The following TTC27 variants were observed in gnomAD, a reference collection of about 807,000 sequenced individuals.
The protein encoded by TTC27 is tetratricopeptide repeat domain 27.
A neutral mutation model predicts 115.9 loss-of-function variants in TTC27; 79 were observed. The observed-to-expected ratio is 0.68, with a 90% CI of 0.57 to 0.82. The LOEUF (loss-of-function observed/expected upper bound fraction) is 0.82. Ranked by LOEUF, TTC27 falls within the 40% of genes least tolerant of loss-of-function variation. The pLI is 0.00. For synonymous variants in TTC27, 401 were observed against 356.0 expected, an observed-to-expected ratio of 1.13 and a Z score of -1.42; for missense variants, 1,054 against 993.1, an observed-to-expected ratio of 1.06 and a Z score of -0.82.
chr2:32,787,057 A>G lies in TTC27; in HGVS notation c.1906A>G (p.Ile636Val). 1.9e-6 allele frequency: 3 copies of G among 1,614,156 alleles called. No individual in the cohort carries two copies. The highest frequency in any genetic ancestry group is 3.3e-5 in the Admixed American group (2 of 60,026). The change falls in exon 16 of 20, where the codon ATC (isoleucine) becomes GTC (valine). Residue 636 changes from isoleucine (I) to valine (V), a missense_variant. Transcript: ENST00000317907. ...YEHWQIWENYILTSTDVGEFS... is the reference protein window; with the variant it reads ...YEHWQIWENYVLTSTDVGEFS... ...ACACTGGCAGATTTGGGAAAACTAC[A>G]TCCTCACCAGCACTGACGTTGGGGA...
At chr2:32,676,572 A>G (rs1666215909) in intron 8 of TTC27, among the ~76,000 whole-genome samples, 1 of 149,742 alleles carries the variant, frequency 6.7e-6, no homozygotes, top group South Asian at 2.1e-4. Context: ...GCTCACTGCA[A>G]CCTCTGCGTC....
chr2:32,791,201 T>C (rs775406117), intron 16 of TTC27, among the ~76,000 whole-genome samples: 3 of 152,382 alleles, frequency 2.0e-5, no homozygotes, highest in South Asian at 2.1e-4. Flanking sequence ...TGAATATCCT[T>C]GCAGACGAAT....
At chr2:32,661,401 GC>G (rs1665542820) in intron 5 of TTC27, among the ~76,000 whole-genome samples, 2 of 152,144 alleles carry the variant, frequency 1.3e-5, no homozygotes, top group African/African-American at 4.8e-5. Context: ...CTATCCATGA[GC>G]ATGGAATGTT....
intron 16 of TTC27, among the ~76,000 whole-genome samples, chr2:32,791,634 T>C (rs1670540706): frequency 6.6e-6 from 1 of 152,228 alleles, no homozygotes; most frequent in African/African-American, 2.4e-5. Context: ...GGGGAAGATT[T>C]ATGTCAAAAG....
Position 32,650,316 on chromosome 2 carries a change from T to C in TTC27, c.640+83T>C, listed in dbSNP as rs1286472613. On this transcript the variant is annotated intron_variant, in intron 5 of 19. Transcript: ENST00000317907. ...GAGATACTCCTTTTTAGTTTATTTT[T>C]TGTCCGGTAGTAGTGCCTTTTCGTT... 4 of 1,034,370 alleles carry C rather than the reference T, an allele frequency of 3.9e-6. No individual in the cohort carries two copies. The Admixed American group carries it at 6.9e-5, about 18-fold the overall frequency. The allele number at this position is 1,034,370 out of a possible 1,614,324, so 64.1% of individuals were successfully genotyped here.
intron 13 of TTC27, among the ~76,000 whole-genome samples, chr2:32,760,497 A>G (rs1418734170): frequency 2.0e-5 from 3 of 152,164 alleles, no homozygotes; most frequent in Non-Finnish European, 4.4e-5. Flanking sequence ...CACAGCCCCC[A>G]CAATAAAGAT....
At chr2:32,640,476 A>T (rs1559182406) in intron 4 of TTC27, 66 bp downstream of exon 4, 4 of 1,473,676 alleles carry the variant, frequency 2.7e-6, no homozygotes, top group Non-Finnish European at 2.8e-6. Context: ...ACCAGGCTGT[A>T]GATGTGTTGC....
chr2:32,673,096 A>G (rs1259352644), intron 8 of TTC27, among the ~76,000 whole-genome samples: 2 of 151,928 alleles, frequency 1.3e-5, no homozygotes, highest in Non-Finnish European at 2.9e-5. Context: ...TCAGTCTGGA[A>G]TAGTTCCTCA....
At chr2:32,758,209 T>G in intron 12 of TTC27, 83 bp from the exon 13 acceptor site, 59 of 1,251,942 alleles carry the variant, frequency 4.7e-5, no homozygotes, top group Non-Finnish European at 6.0e-5. Flanking sequence ...TTGGATTGTG[T>G]GAGATTAAAG....
rs757604136 is a variant in TTC27 at position 32,811,221 on chromosome 2, G to C, written c.2196G>C (p.Lys732Asn). ...GQSEKPDENE[K>N]AFQCLSKAYK... ...GTGAAAAGCCTGATGAAAATGAAAAGGCAAGTCCTTCATTCCTCCTGAGTC... is the reference window on the plus strand; with the variant it reads ...GTGAAAAGCCTGATGAAAATGAAAACGCAAGTCCTTCATTCCTCCTGAGTC... The change falls in exon 17 of 20, where the codon AAG (lysine) becomes AAC (asparagine). Residue 732 changes from lysine to asparagine, a missense_variant and splice_region_variant. Lys to Asn is a moderately conservative substitution (Grantham distance 94). Coordinates refer to ENST00000317907, the MANE Select transcript of TTC27 (RefSeq NM_017735.5). The C allele has an allele frequency of 8.7e-6, 14 of 1,612,480 alleles. No individual in the cohort carries two copies. The highest frequency in any genetic ancestry group is 1.2e-5 in the Non-Finnish European group (14 of 1,179,198).
At chr2:32,797,051 G>C (rs1002707334) in intron 16 of TTC27, among the ~76,000 whole-genome samples, 5 of 151,606 alleles carry the variant, frequency 3.3e-5, no homozygotes, top group African/African-American at 1.2e-4. Flanking sequence ...GTGCACGCCT[G>C]TAGTCCCAGC....
At position 32,705,576 on chromosome 2, in the gene TTC27, G is replaced by A. The variant is rs1667340298; in HGVS notation, c.1233+2656G>A. Among the ~76,000 whole-genome samples, 2 of 152,072 alleles carry A rather than the reference G, an allele frequency of 1.3e-5. 1 individual carries two copies. Among genetic ancestry groups the A allele is most frequent in the South Asian group, 4.2e-4 (2 of 4,798 alleles). On this transcript the variant is annotated intron_variant, in intron 10 of 19. Coordinates refer to ENST00000317907, the MANE Select transcript of TTC27 (RefSeq NM_017735.5). The stretch of plus-strand genomic sequence containing the variant: ...TTCATTTATTTCTTCTTAGAGACAG[G>A]GTCTTGCTCTGTTGCCTTGGTTGGA...
chr2:32,628,726 AATTTT>A (rs1409891176), intron 1 of TTC27, among the ~76,000 whole-genome samples: 1 of 149,502 alleles, frequency 6.7e-6, no homozygotes, highest in Non-Finnish European at 1.5e-5. Context: ...TGGGTTAAGT[AATTTT>A]ATTTTATCTA....
intron 10 of TTC27, among the ~76,000 whole-genome samples, chr2:32,730,388 C>T (rs910566686): frequency 6.6e-6 from 1 of 152,028 alleles, no homozygotes; most frequent in African/African-American, 2.4e-5. Flanking sequence ...CTTCACTTGC[C>T]GTCACTGATT....
intron 10 of TTC27, among the ~76,000 whole-genome samples, chr2:32,708,022 C>CTT (rs1667436959): frequency 6.6e-6 from 1 of 151,916 alleles, no homozygotes; most frequent in Non-Finnish European, 1.5e-5. Context: ...AAAGAGAACC[C>CTT]AGTGGTCAAA....
In TTC27 at chr2:32,670,898, C is replaced by T. The variant is rs192709257; in HGVS notation, c.940-1374C>T. Reference sequence around the variant, plus strand: ...CCTCCTAAAGTGCTGGTATTACAGGCGTGAGCCACCATGCCTGGCCTCTCT... The same window carrying T: ...CCTCCTAAAGTGCTGGTATTACAGGTGTGAGCCACCATGCCTGGCCTCTCT... On this transcript the variant is annotated intron_variant, in intron 7 of 19. Coordinates refer to ENST00000317907, the MANE Select transcript of TTC27 (RefSeq NM_017735.5). Among the ~76,000 whole-genome samples, 206 of 148,976 alleles carry T rather than the reference C, an allele frequency of 1.4e-3. 2 individuals carry two copies. Among genetic ancestry groups the T allele is most frequent in the Admixed American group, 2.2e-3 (33 of 14,862 alleles).
chr2:32,739,262 T>C (rs978295913), intron 12 of TTC27, among the ~76,000 whole-genome samples: 2 of 152,228 alleles, frequency 1.3e-5, no homozygotes, highest in Non-Finnish European at 1.5e-5. Flanking sequence ...GTAATAACTT[T>C]ATATAAAAAT....
chr2:32,728,397 G>T (rs190507328), intron 10 of TTC27, among the ~76,000 whole-genome samples: 9 of 152,162 alleles, frequency 5.9e-5, no homozygotes, highest in African/African-American at 2.2e-4. Flanking sequence ...GAGGATCTAG[G>T]TTCTCCCATC....
At chr2:32,789,790 G>A (rs1182056847) in intron 16 of TTC27, among the ~76,000 whole-genome samples, 2 of 151,546 alleles carry the variant, frequency 1.3e-5, no homozygotes, top group Admixed American at 1.3e-4. Context: ...GCTGGGCTTG[G>A]TAATATGTAC....
Sources: allele counts gnomAD v4.1 joint callset (sites outside exome capture counted in the v4.1 genomes callset), GRCh38; gene constraint gnomAD v4.1.1; transcripts MANE v1.5; gene names NCBI Gene and HGNC (gene_info 2026-07-23, HGNC 2026-07-21).